EXT1: variants seen among roughly 807,000 people sequenced by gnomAD.
The protein encoded by EXT1 is exostosin-1.
A neutral mutation model predicts 82.5 loss-of-function variants in EXT1; 20 were observed. The observed-to-expected ratio is 0.24, with a 90% CI of 0.17 to 0.35. The LOEUF is 0.35. EXT1 is among the 10% of genes least tolerant of loss of function. The pLI, the probability that EXT1 is intolerant of heterozygous loss-of-function variation, is 1.00. For missense variants in EXT1, 757 were observed against 936.5 expected, an observed-to-expected ratio of 0.81 and a Z score of 2.50; for synonymous variants, 348 against 350.8, an observed-to-expected ratio of 0.99 and a Z score of 0.09.
intron 1 of EXT1, among the ~76,000 whole-genome samples, chr8:117,893,375 A>G (rs1813281442): frequency 6.6e-6 from 1 of 152,264 alleles, no homozygotes; most frequent in Non-Finnish European, 1.5e-5. Flanking sequence ...TCCAAGAACA[A>G]CAAAAGCCAC....
intron 3 of EXT1, 23 bp downstream of exon 3, chr8:117,835,421 G>A: frequency 1.9e-6 from 3 of 1,568,680 alleles, no homozygotes; most frequent in Non-Finnish European, 1.8e-6. Context: ...CTGATGTGTT[G>A]AAGGCCACAG....
At chr8:117,859,020 G>T (rs1188097330) in intron 1 of EXT1, among the ~76,000 whole-genome samples, 1 of 152,184 alleles carries the variant, frequency 6.6e-6, no homozygotes, top group African/African-American at 2.4e-5. Flanking sequence ...CAAAGGCTCA[G>T]ATGATCACAA....
chr8:117,884,534 A>C (rs1227615225), intron 1 of EXT1, among the ~76,000 whole-genome samples: 1 of 152,192 alleles, frequency 6.6e-6, no homozygotes, highest in Non-Finnish European at 1.5e-5. Context: ...TACAGTAAAC[A>C]CGCACAGCAA....
chr8:118,030,694 C>T (rs1342558726), intron 1 of EXT1, among the ~76,000 whole-genome samples: 1 of 152,104 alleles, frequency 6.6e-6, no homozygotes, highest in Non-Finnish European at 1.5e-5. Flanking sequence ...GTTGGTCAGG[C>T]TGGTCTCGAA....
At chr8:117,856,411 C>A (rs940275009) in intron 1 of EXT1, among the ~76,000 whole-genome samples, 1 of 147,386 alleles carries the variant, frequency 6.8e-6, no homozygotes, top group African/African-American at 2.5e-5. Context: ...CCAGCCACCA[C>A]GCCTGGCTAA....
In EXT1 at chr8:117,881,148, C is replaced by T. The variant is rs575521972; in HGVS notation, c.963-43947G>A. On this transcript the variant is annotated intron_variant, in intron 1 of 10. Coordinates refer to ENST00000378204, the MANE Select transcript of EXT1 (RefSeq NM_000127.3). ...TGGTAAACTATGGTTCATGCATTGC[C>T]TGTTTTCATAAATCAAGATTTTTTA... is the stretch of plus-strand genomic sequence containing the variant. Among the ~76,000 whole-genome samples, 13 of 152,210 alleles carry T rather than the reference C, an allele frequency of 8.5e-5. 1 individual carries two copies. In the South Asian group the frequency reaches 2.7e-3, roughly 32 times the overall value.
At chr8:117,823,588 T>A (rs1329718046) in intron 4 of EXT1, among the ~76,000 whole-genome samples, 1 of 152,122 alleles carries the variant, frequency 6.6e-6, no homozygotes, top group Non-Finnish European at 1.5e-5. Flanking sequence ...CTCCATTTAA[T>A]GCAATGTGAT....
chr8:117,809,084 G>A (rs553583001), intron 8 of EXT1, among the ~76,000 whole-genome samples: 2 of 151,550 alleles, frequency 1.3e-5, no homozygotes, highest in South Asian at 2.1e-4. Flanking sequence ...GCCTGCAGAC[G>A]GCAGATCATG....
chr8:118,051,326 A>C (rs1162998265), intron 1 of EXT1, among the ~76,000 whole-genome samples: 2 of 152,210 alleles, frequency 1.3e-5, no homozygotes, highest in Non-Finnish European at 2.9e-5. Context: ...TGACAGAGCA[A>C]GATCCTATCT....
chr8:118,069,863 ATGATCCAGGCCAC>A (rs1817057006), intron 1 of EXT1, among the ~76,000 whole-genome samples: 1 of 152,212 alleles, frequency 6.6e-6, no homozygotes, highest in Non-Finnish European at 1.5e-5. Context: ...AAGATTAGCT[ATGATCCAGGCCAC>A]TGATCCAGGC....
At chr8:117,965,975 T>C (rs552882466) in intron 1 of EXT1, among the ~76,000 whole-genome samples, 3 of 149,292 alleles carry the variant, frequency 2.0e-5, no homozygotes, top group East Asian at 3.9e-4. Context: ...AATAAATAAA[T>C]AAACACATAC....
Position 118,110,330 on chromosome 8 carries a change from C to T in EXT1, c.717G>A (p.Lys239=), listed in dbSNP as rs1287043126. The change falls in exon 1 of 11, where the codon AAG becomes AAA. Residue 239 remains lysine (K), a synonymous_variant. Coordinates refer to ENST00000378204, the MANE Select transcript of EXT1 (RefSeq NM_000127.3). ...NFDVSIPLFS[K]DHPRTGGERG... is the part of the protein sequence containing the mutation. Reference sequence around the variant, plus strand: ...TCTCCCCTCCTGTCCTGGGATGATCCTTAGAAAAGAGGGGAATAGAAACAT... The same window carrying T: ...TCTCCCCTCCTGTCCTGGGATGATCTTTAGAAAAGAGGGGAATAGAAACAT... The T allele has an allele frequency of 6.2e-7, 1 of 1,614,158 alleles. No individual in the cohort carries two copies. The highest frequency in any genetic ancestry group is 2.2e-5 in the East Asian group (1 of 44,880).
chr8:117,911,731 A>G (rs1813651902), intron 1 of EXT1, among the ~76,000 whole-genome samples: 1 of 152,236 alleles, frequency 6.6e-6, no homozygotes, highest in South Asian at 2.1e-4. Flanking sequence ...GAGGATACCC[A>G]GAATTCTCCC....
intron 1 of EXT1, among the ~76,000 whole-genome samples, chr8:117,986,422 C>A (rs1815320892): frequency 6.6e-6 from 1 of 152,100 alleles, no homozygotes; most frequent in African/African-American, 2.4e-5. Context: ...TTCTCAAACT[C>A]CTAATCTTGA....
At chr8:117,984,338 G>C (rs1037964397) in intron 1 of EXT1, among the ~76,000 whole-genome samples, 1 of 151,880 alleles carries the variant, frequency 6.6e-6, no homozygotes, top group African/African-American at 2.4e-5. Context: ...AGAATCGCTT[G>C]AACCTGGGGT....
chr8:117,910,843 A>G (rs1202899634), intron 1 of EXT1, among the ~76,000 whole-genome samples: 1 of 152,184 alleles, frequency 6.6e-6, no homozygotes, highest in African/African-American at 2.4e-5. Context: ...AATATAGTCA[A>G]CTAATGCTCT....
At chr8:117,879,227 AT>A (rs1267123303) in intron 1 of EXT1, among the ~76,000 whole-genome samples, 1 of 152,144 alleles carries the variant, frequency 6.6e-6, no homozygotes, top group Non-Finnish European at 1.5e-5. Context: ...TAACCCTTCC[AT>A]TTTCCCAGAC....
At chr8:118,051,288 T>C (rs530141666) in intron 1 of EXT1, among the ~76,000 whole-genome samples, 156 of 152,244 alleles carry the variant, frequency 1.0e-3, no homozygotes, top group African/African-American at 3.3e-3. Flanking sequence ...CAGTGAGCCA[T>C]GATGGTACCA....
intron 1 of EXT1, among the ~76,000 whole-genome samples, chr8:117,887,748 A>G (rs1388185514): frequency 6.6e-6 from 1 of 152,126 alleles, no homozygotes; most frequent in African/African-American, 2.4e-5. Flanking sequence ...GATTATTATC[A>G]AGAAACTGAT....
Sources: allele counts gnomAD v4.1 joint callset (sites outside exome capture counted in the v4.1 genomes callset), GRCh38; gene constraint gnomAD v4.1.1; transcripts MANE v1.5; gene names NCBI Gene and HGNC (gene_info 2026-07-23, HGNC 2026-07-21).